Variants in RUBCN observed in about 807,000 individuals in gnomAD.
RUBCN encodes the protein rubicon autophagy regulator.
A neutral mutation model predicts 113.2 loss-of-function variants in RUBCN; 74 were observed. The ratio of observed to expected loss-of-function variants is 0.65; its 90% confidence interval spans 0.54 to 0.79. RUBCN has a LOEUF of 0.79. RUBCN is among the 30% of genes least tolerant of loss of function. The pLI is 0.00. For missense variants in RUBCN, 1,109 were observed against 1,251.7 expected (o/e 0.89, Z 1.72); for synonymous variants, 480 against 490.0 (o/e 0.98, Z 0.27).
chr3:197,693,885 A>G, intron 10 of RUBCN, 69 bp from the exon 11 acceptor site: 1 of 1,015,922 alleles, frequency 9.8e-7, no homozygotes, highest in Non-Finnish European at 1.6e-6. Context: ...CCAGTGTCAC[A>G]ATATAAGGGA....
intron 1 of RUBCN, among the ~76,000 whole-genome samples, chr3:197,729,233 G>T (rs1203803678): frequency 6.7e-6 from 1 of 149,868 alleles, no homozygotes; most frequent in East Asian, 1.9e-4. Flanking sequence ...ACTGAACATT[G>T]CTTTTGTTTT....
At chr3:197,717,456 G>C (rs182841709) in intron 2 of RUBCN, among the ~76,000 whole-genome samples, 4 of 150,562 alleles carry the variant, frequency 2.7e-5, no homozygotes, top group South Asian at 2.1e-4. Flanking sequence ...AAAAAAAAAG[G>C]GGGGGGCAGA....
chr3:197,738,617 GCT>G (rs1728357444), upstream of RUBCN, among the ~76,000 whole-genome samples: 1 of 151,922 alleles, frequency 6.6e-6, no homozygotes, highest in Non-Finnish European at 1.5e-5. Flanking sequence ...ACGCAGTCTT[GCT>G]CTGTCACCCA....
intron 7 of RUBCN, chr3:197,699,276 A>G (rs949790599): frequency 8.8e-6 from 12 of 1,363,662 alleles, no homozygotes; most frequent in Non-Finnish European, 1.1e-5. Context: ...AGATAGAGCA[A>G]TGAGAATACA....
chr3:197,677,082 T>C (rs1396460285), intron 17 of RUBCN, 44 bp from the exon 18 acceptor site: 4 of 1,577,938 alleles, frequency 2.5e-6, no homozygotes, highest in African/African-American at 2.7e-5. Flanking sequence ...GAACAGTGCA[T>C]GTGCCACATC....
At chr3:197,707,217 A>C (rs1233527258) in intron 2 of RUBCN, among the ~76,000 whole-genome samples, 1 of 152,064 alleles carries the variant, frequency 6.6e-6, no homozygotes, top group Admixed American at 6.6e-5. Context: ...CTGTAGTCCC[A>C]GCTACTCGGG....
chr3:197,741,037 G>T (rs1264975679), upstream of RUBCN, among the ~76,000 whole-genome samples: 6 of 152,344 alleles, frequency 3.9e-5, no homozygotes, highest in Non-Finnish European at 7.3e-5. Context: ...AATTGGCGAA[G>T]TAGAGGATAT....
chr3:197,677,071 T>G, intron 17 of RUBCN, 33 bp from the exon 18 acceptor site: 1 of 1,599,980 alleles, frequency 6.3e-7, no homozygotes, highest in Non-Finnish European at 8.6e-7. Context: ...GGTGAGGGAA[T>G]GAACAGTGCA....
chr3:197,705,035 C>T, intron 3 of RUBCN, 57 bp downstream of exon 3: 1 of 1,351,516 alleles, frequency 7.4e-7, no homozygotes, highest in Non-Finnish European at 1.1e-6. Context: ...CTGACAGAGC[C>T]TCAAACAGTG....
chr3:197,717,908 C>T, intron 2 of RUBCN, 69 bp downstream of exon 2: 1 of 1,583,192 alleles, frequency 6.3e-7, no homozygotes, highest in East Asian at 2.2e-5. Context: ...CATCTCCTCC[C>T]TGCCAATGCG....
chr3:197,695,443 A>T (rs1042931695), intron 9 of RUBCN, among the ~76,000 whole-genome samples: 2 of 152,208 alleles, frequency 1.3e-5, no homozygotes, highest in Non-Finnish European at 2.9e-5. Context: ...CTACAAAAAA[A>T]TAAAAAAAAT....
intron 1 of RUBCN, 40 bp from the exon 2 acceptor site, chr3:197,718,170 G>A (rs1453603416): frequency 1.3e-5 from 21 of 1,611,708 alleles, no homozygotes; most frequent in Non-Finnish European, 1.8e-5. Context: ...AGTTACCTTT[G>A]CTGTACTTGA....
intron 7 of RUBCN, among the ~76,000 whole-genome samples, chr3:197,698,273 C>A (rs1723231498): frequency 6.6e-6 from 1 of 152,246 alleles, no homozygotes; most frequent in South Asian, 2.1e-4. Flanking sequence ...CTTTATTCCT[C>A]TTTAACCATC....
rs758189078 is a variant in RUBCN at position 197,681,278 on chromosome 3, G to A, written c.2281C>T (p.Arg761Trp). Residue 761 changes from arginine (R) to tryptophan (W), a missense_variant, in exon 16 of 20, where the codon CGG becomes TGG. Arg to Trp is a moderately radical substitution (Grantham distance 101). This residue lies in a region of RUBCN where 306 missense variants were observed against 348.9 expected (regional missense o/e 0.88). Coordinates refer to ENST00000296343, the MANE Select transcript of RUBCN (RefSeq NM_014687.4). The surrounding 1 kb of genome is among the most constrained non-coding windows in gnomAD (Gnocchi z 5.5). ...HENAQMAIPS[R>W]VLRKWDFSKY... is the part of the protein sequence containing the mutation. ...CTGAAGTCCCACTTGCGCAGAACCC[G>A]GCTGGGGATGGCCATCTGGGCATTC... 1.1e-5 allele frequency: 17 copies of A among 1,614,048 alleles called. No individual in the cohort carries two copies. The highest frequency in any genetic ancestry group is 4.4e-5 in the South Asian group (4 of 91,084).
intron 11 of RUBCN, among the ~76,000 whole-genome samples, chr3:197,693,115 C>T (rs1042656051): frequency 6.6e-6 from 1 of 152,112 alleles, no homozygotes; most frequent in Non-Finnish European, 1.5e-5. Context: ...AGGAGTGGGA[C>T]ATTAACCTGA....
At chr3:197,730,617 C>T (rs1398657746) in intron 1 of RUBCN, among the ~76,000 whole-genome samples, 2 of 149,822 alleles carry the variant, frequency 1.3e-5, no homozygotes, top group African/African-American at 2.5e-5. Flanking sequence ...GGGGCCATCA[C>T]GAGTGTGGAT....
At chr3:197,698,567 G>GA (rs141586313) in intron 7 of RUBCN, among the ~76,000 whole-genome samples, 4,009 of 149,486 alleles carry the variant, frequency 0.027, 100 homozygotes, top group African/African-American at 0.068. Flanking sequence ...GCAGGAGAGG[G>GA]AAAAAAAACA....
rs751899462 is a variant in RUBCN at position 197,700,938 on chromosome 3, A to G, written c.936T>C (p.Asn312=). 2 of 1,614,198 alleles carry G rather than the reference A, an allele frequency of 1.2e-6. No homozygotes were observed. Among genetic ancestry groups the G allele is most frequent in the South Asian group, 2.2e-5 (2 of 91,082 alleles). ...CCTCACTGGCATCACCTGGGGAATC[A>G]TTCTGGCTGCTGACCCAGGATGCCT... ...PIEASWVSSQ[N]DSPGDASEGP... The change falls in exon 7 of 20, where the codon AAT becomes AAC. Residue 312 remains asparagine (N), a synonymous_variant. Coordinates refer to ENST00000296343, the MANE Select transcript of RUBCN (RefSeq NM_014687.4).
Position 197,681,852 on chromosome 3 carries a change from C to T in RUBCN, c.2174G>A (p.Gly725Asp). ...AKQNYRCAGC[G>D]IRTDPDYIKR... ...GCACTCACCAGGGTCAGTCCGGATG[C>T]CACATCCTGCACAGCGGTAATTCTG... Residue 725 changes from glycine (G) to aspartate (D), a missense_variant, in exon 15 of 20, where the codon GGC becomes GAC. Around this residue, in one of 3 missense-constraint regions of RUBCN, gnomAD observed 306 missense variants for 348.9 expected, o/e 0.88. Transcript: ENST00000296343. This position sits in a 1 kb window ranked among gnomAD's most constrained non-coding sequence, Gnocchi z 5.5. 9 of 1,613,976 alleles carry T rather than the reference C, an allele frequency of 5.6e-6. No individual in the cohort carries two copies. Among genetic ancestry groups the T allele is most frequent in the Non-Finnish European group, 7.6e-6 (9 of 1,179,932 alleles).
Sources: gnomAD v4.1 joint callset for allele counts (sites outside exome capture counted in the v4.1 genomes callset) on GRCh38, gnomAD v4.1.1 for gene constraint, gnomAD v4.1.1 regional missense constraint, Gnocchi (gnomAD v3.1) non-coding constraint, MANE v1.5 for transcripts, NCBI Gene and HGNC (gene_info 2026-07-23, HGNC 2026-07-21) for gene names.